DCAF8L2: variants seen among roughly 807,000 people sequenced by gnomAD.
The protein encoded by DCAF8L2 is DDB1 and CUL4 associated factor 8 like 2.
For missense variants in DCAF8L2, 430 were observed against 490.7 expected (o/e 0.88, Z 1.17); for synonymous variants, 200 against 190.9 (o/e 1.05, Z -0.39).
the DCAF8L2 span, chrX:27,518,760 A>C: frequency 3.9e-6 from 1 of 259,461 alleles, no homozygotes; most frequent in Non-Finnish European, 7.0e-6. Context: ...ATAATAAGTA[A>C]TAAAATAAAT....
intron 1 of DCAF8L2, among the ~76,000 whole-genome samples, chrX:27,592,156 G>A (rs1157802336): frequency 2.7e-5 from 3 of 112,150 alleles, no homozygotes; most frequent in Non-Finnish European, 3.8e-5. Flanking sequence ...GCCTGGCCCC[G>A]TCCAGGGCTG....
chrX:27,521,938 G>A, the DCAF8L2 span, among the ~76,000 whole-genome samples: 1 of 112,120 alleles, frequency 8.9e-6, no homozygotes, highest in Non-Finnish European at 1.9e-5. Flanking sequence ...GCTGAAAGGG[G>A]GACATATGTT....
the DCAF8L2 span, among the ~76,000 whole-genome samples, chrX:27,555,767 T>A: frequency 9.0e-6 from 1 of 111,374 alleles, no homozygotes; most frequent in South Asian, 3.8e-4. Flanking sequence ...TGGTGAGAGG[T>A]GTGAGTTTGG....
At chrX:27,712,150 C>T (rs1931555178) in intron 3 of DCAF8L2, among the ~76,000 whole-genome samples, 1 of 111,206 alleles carries the variant, frequency 9.0e-6, no homozygotes, top group Non-Finnish European at 1.9e-5. Context: ...CGGATTTTGG[C>T]ATTATTTTAT....
the DCAF8L2 span, among the ~76,000 whole-genome samples, chrX:27,471,006 T>C: frequency 1.8e-5 from 2 of 111,416 alleles, no homozygotes; most frequent in Non-Finnish European, 3.8e-5. Flanking sequence ...AACACCACAT[T>C]CCCTGCTTGT....
chrX:27,618,573 T>C (rs186325725), intron 1 of DCAF8L2, among the ~76,000 whole-genome samples: 2 of 111,879 alleles, frequency 1.8e-5, no homozygotes, highest in African/African-American at 6.5e-5. Flanking sequence ...TTGTCATTCA[T>C]CTTGGAGTGC....
At chrX:27,715,102 CTG>C (rs779180876) in intron 3 of DCAF8L2, among the ~76,000 whole-genome samples, 96 of 110,408 alleles carry the variant, frequency 8.7e-4, no homozygotes, top group African/African-American at 3.1e-3. Flanking sequence ...TCAAAGGTAA[CTG>C]AGAGTAGGCC....
the DCAF8L2 span, among the ~76,000 whole-genome samples, chrX:27,542,533 CTTTTTTTT>C: frequency 2.4e-3 from 81 of 33,450 alleles, no homozygotes; most frequent in African/African-American, 0.01. Flanking sequence ...CCTTTGCCTA[CTTTTTTTT>C]TTTTTTTTTT....
chrX:27,560,531 G>A, the DCAF8L2 span, among the ~76,000 whole-genome samples: 1 of 111,582 alleles, frequency 9.0e-6, no homozygotes, highest in African/African-American at 3.3e-5. Flanking sequence ...CTGATGTAAC[G>A]GTGATAGCTA....
intron 1 of DCAF8L2, among the ~76,000 whole-genome samples, chrX:27,604,805 C>G (rs1192091880): frequency 9.0e-6 from 1 of 111,486 alleles, no homozygotes; most frequent in East Asian, 2.8e-4. Flanking sequence ...CATAAAAATT[C>G]AAGACATGCT....
chrX:27,745,231 T>G (rs764645976), intron 4 of DCAF8L2, among the ~76,000 whole-genome samples: 10 of 112,562 alleles, frequency 8.9e-5, no homozygotes, highest in African/African-American at 3.2e-4. Context: ...TGCCAAGAAT[T>G]TTTGAAGTTA....
At chrX:27,487,651 A>G in the DCAF8L2 span, among the ~76,000 whole-genome samples, 13 of 112,551 alleles carry the variant, frequency 1.2e-4, no homozygotes, top group African/African-American at 4.2e-4. Context: ...TGTAATTTAT[A>G]TAGCATAAGA....
the DCAF8L2 span, among the ~76,000 whole-genome samples, chrX:27,571,093 T>C: frequency 4.5e-5 from 5 of 112,171 alleles, no homozygotes; most frequent in Non-Finnish European, 9.4e-5. Flanking sequence ...CTTAATTTCC[T>C]ACTGAGAAAA....
At chrX:27,620,185 ACT>A (rs946004162) in intron 1 of DCAF8L2, among the ~76,000 whole-genome samples, 6 of 111,720 alleles carry the variant, frequency 5.4e-5, no homozygotes, top group Admixed American at 2.9e-4. Context: ...GAGAACAGAC[ACT>A]CTCATATCTT....
At chrX:27,489,190 T>A in the DCAF8L2 span, among the ~76,000 whole-genome samples, 1 of 111,118 alleles carries the variant, frequency 9.0e-6, no homozygotes, top group Non-Finnish European at 1.9e-5. Flanking sequence ...CTCTGCCTCC[T>A]GGGTTCACCC....
chrX:27,696,274 GAAAGAAAGAAAGAA>G (rs1930902560), intron 3 of DCAF8L2, among the ~76,000 whole-genome samples: 7 of 24,946 alleles, frequency 2.8e-4, no homozygotes, highest in Non-Finnish European at 4.9e-4. Context: ...GAGAGAGAAA[GAAAGAAAGAAAGAA>G]AGAAAGAAAG....
intron 2 of DCAF8L2, among the ~76,000 whole-genome samples, chrX:27,634,573 G>A (rs1263281650): frequency 5.1e-4 from 56 of 110,710 alleles, no homozygotes; most frequent in Non-Finnish European, 1.1e-4. Context: ...TCATAGGATT[G>A]TTGTGATAAT....
At chrX:27,503,002 G>A in the DCAF8L2 span, among the ~76,000 whole-genome samples, 2 of 111,732 alleles carry the variant, frequency 1.8e-5, no homozygotes, top group African/African-American at 3.2e-5. Context: ...TGAAGAAAGA[G>A]GAGAAAGAAG....
the DCAF8L2 span, among the ~76,000 whole-genome samples, chrX:27,512,679 G>A: frequency 2.7e-4 from 23 of 86,190 alleles, no homozygotes; most frequent in Middle Eastern, 0.026. Context: ...GTGAGACTCT[G>A]TTAAAAAAAA....
Sources: gnomAD v4.1 joint callset for allele counts (sites outside exome capture counted in the v4.1 genomes callset) on GRCh38, gnomAD v4.1.1 for gene constraint, MANE v1.5 for transcripts, NCBI Gene and HGNC (gene_info 2026-07-23, HGNC 2026-07-21) for gene names.